TSPAN14: variants seen among roughly 807,000 people sequenced by gnomAD.
TSPAN14 encodes the protein tetraspanin 14, also known as tetraspanin-14.
A neutral mutation model predicts 36.6 loss-of-function variants in TSPAN14; 16 were observed. The observed-to-expected ratio is 0.44, with a 90% CI of 0.30 to 0.66. TSPAN14 has a LOEUF of 0.66. Ranked by LOEUF, TSPAN14 falls within the 30% of genes least tolerant of loss-of-function variation. TSPAN14 has a pLI of 0.12. For missense variants in TSPAN14, 231 were observed against 355.1 expected, an observed-to-expected ratio of 0.65 and a Z score of 2.81; for synonymous variants, 139 against 143.8, an observed-to-expected ratio of 0.97 and a Z score of 0.24.
intron 2 of TSPAN14, 71 bp downstream of exon 2, chr10:80,489,385 T>G: frequency 9.0e-7 from 1 of 1,107,898 alleles, no homozygotes; most frequent in Non-Finnish European, 1.3e-6. Flanking sequence ...TTCCACACAC[T>G]CTTGATTTGC....
chr10:80,466,113 A>G (rs1846231416), intron 1 of TSPAN14, among the ~76,000 whole-genome samples: 1 of 152,174 alleles, frequency 6.6e-6, no homozygotes, highest in African/African-American at 2.4e-5. Context: ...CATAACTCCC[A>G]CTAGTTTTCA....
chr10:80,509,165 G>T lies in TSPAN14; in HGVS notation c.280-136G>T. 1.1e-6 allele frequency: 1 copy of T among 900,490 alleles called. No individual in the cohort carries two copies. The allele number at this position is 900,490 out of a possible 1,614,324, so 55.8% of individuals were successfully genotyped here. A position where few individuals can be genotyped will look rare whatever the true frequency, so the allele number is the denominator to read the frequency against. ...AGCTAACTCTAAGTGTGGGGTTCTG[G>T]GGCCCCGATGTGGGACTCTCAGGTG... On this transcript the variant is annotated intron_variant, in intron 4 of 8. Transcript: ENST00000429989. This position sits in a 1 kb window ranked among gnomAD's most constrained non-coding sequence, Gnocchi z 4.7.
chr10:80,490,481 G>GTATTGTAGAAGCCTT (rs1847866309), intron 2 of TSPAN14, among the ~76,000 whole-genome samples: 1 of 152,210 alleles, frequency 6.6e-6, no homozygotes, highest in Non-Finnish European at 1.5e-5. Context: ...AGGAGATTGT[G>GTATTGTAGAAGCCTT]TATTGTAGAA....
intron 1 of TSPAN14, chr10:80,485,754 C>G (rs35998463): frequency 0.26 from 235,610 of 898,338 alleles, 32,374 homozygotes; most frequent in African/African-American, 0.44. Flanking sequence ...GGTGGGAAAG[C>G]GGGGAGCGGA....
intron 1 of TSPAN14, among the ~76,000 whole-genome samples, chr10:80,479,530 C>A (rs1847125614): frequency 6.6e-6 from 1 of 152,146 alleles, no homozygotes; most frequent in South Asian, 2.1e-4. Flanking sequence ...GTTTTCCCAG[C>A]ACCATTTATT....
intron 1 of TSPAN14, among the ~76,000 whole-genome samples, chr10:80,475,969 A>AT (rs1846855188): frequency 6.6e-6 from 1 of 152,246 alleles, no homozygotes; most frequent in African/African-American, 2.4e-5. Context: ...GCCAAAATCC[A>AT]TAGATGCTCA....
intron 1 of TSPAN14, among the ~76,000 whole-genome samples, chr10:80,482,913 T>G (rs1158174710): frequency 6.6e-6 from 1 of 151,656 alleles, no homozygotes; most frequent in Non-Finnish European, 1.5e-5. Context: ...TTTTGTATTT[T>G]TAGTAGAGAT....
At chr10:80,511,738 CT>C (rs1403751206) in intron 5 of TSPAN14, among the ~76,000 whole-genome samples, 3 of 139,456 alleles carry the variant, frequency 2.2e-5, no homozygotes, top group Admixed American at 7.2e-5. Context: ...CTCTCTCTCT[CT>C]CTCTCTCTCT....
chr10:80,499,635 C>T (rs978320604), intron 2 of TSPAN14, among the ~76,000 whole-genome samples: 4 of 152,178 alleles, frequency 2.6e-5, no homozygotes, highest in Non-Finnish European at 4.4e-5. Context: ...ACCAGCTAGC[C>T]GTGTGACCTT....
intron 1 of TSPAN14, chr10:80,468,531 T>A (rs1266216135): frequency 6.6e-6 from 1 of 152,166 alleles, no homozygotes; most frequent in Non-Finnish European, 1.5e-5. Flanking sequence ...ATGGTTGTTT[T>A]CCTTCTGTGT....
chr10:80,513,960 C>T, intron 6 of TSPAN14, 59 bp from the exon 7 acceptor site: 2 of 1,506,518 alleles, frequency 1.3e-6, no homozygotes, highest in Non-Finnish European at 1.8e-6. Flanking sequence ...TTACTAGAGC[C>T]TCTTAGCACC....
chr10:80,502,375 C>T (rs1171903710), intron 2 of TSPAN14, among the ~76,000 whole-genome samples: 1 of 152,108 alleles, frequency 6.6e-6, no homozygotes, highest in African/African-American at 2.4e-5. Flanking sequence ...GTTCCCAGCT[C>T]TGTATTTTTG....
intron 1 of TSPAN14, among the ~76,000 whole-genome samples, chr10:80,459,755 A>C (rs781482225): frequency 3.9e-5 from 6 of 152,122 alleles, no homozygotes; most frequent in Non-Finnish European, 8.8e-5. Flanking sequence ...ACAGCAGTGG[A>C]AGGAAATGGG....
chr10:80,518,982 G>C (rs527721748), exon 9 of TSPAN14: 1 of 153,046 alleles, frequency 6.5e-6, no homozygotes, highest in African/African-American at 2.4e-5. Flanking sequence ...CCACTCCCCA[G>C]CGTGGCCTCA....
intron 8 of TSPAN14, among the ~76,000 whole-genome samples, 185 bp from the exon 9 acceptor site, chr10:80,517,720 C>G (rs891557649): frequency 6.6e-6 from 1 of 152,168 alleles, no homozygotes; most frequent in African/African-American, 2.4e-5. Context: ...ACCCCAGGAC[C>G]CCTTTTTTGC....
At chr10:80,505,961 G>A (rs1369994329) in intron 3 of TSPAN14, among the ~76,000 whole-genome samples, 1 of 152,248 alleles carries the variant, frequency 6.6e-6, no homozygotes, top group Non-Finnish European at 1.5e-5. Context: ...TGTTCGAAAT[G>A]TAGGAGCTTG....
At chr10:80,472,124 T>C (rs1281088244) in intron 1 of TSPAN14, among the ~76,000 whole-genome samples, 1 of 152,004 alleles carries the variant, frequency 6.6e-6, no homozygotes, top group Non-Finnish European at 1.5e-5. Context: ...GGTCACAGAG[T>C]GAGGCCCTGT....
rs775191975 is a variant in TSPAN14 at position 80,507,323 on chromosome 10, G to A, written c.228G>A (p.Gly76=). 4.3e-6 allele frequency: 7 copies of A among 1,614,106 alleles called. No individual in the cohort carries two copies. In the South Asian group the frequency reaches 4.4e-5, roughly 10 times the overall value. ...TGGGCGTGGTGATGTTCACCCTGGG[G>A]TTCGCCGGCTGCGTGGGGGCTCTGC... is the stretch of plus-strand genomic sequence containing the variant. Residue 76 remains glycine, a synonymous_variant, in exon 4 of 9, where the codon GGG becomes GGA. Coordinates refer to ENST00000429989, the Ensembl canonical transcript of TSPAN14.
At chr10:80,506,722 C>A (rs549014262) in intron 3 of TSPAN14, among the ~76,000 whole-genome samples, 4 of 152,260 alleles carry the variant, frequency 2.6e-5, no homozygotes, top group Admixed American at 2.6e-4. Context: ...GGGGTATAGT[C>A]TAAAACACCT....
Sources: allele counts gnomAD v4.1 joint callset (sites outside exome capture counted in the v4.1 genomes callset), GRCh38; gene constraint gnomAD v4.1.1; non-coding constraint Gnocchi (gnomAD v3.1); transcripts MANE v1.5; gene names NCBI Gene and HGNC (gene_info 2026-07-23, HGNC 2026-07-21).